Variants in DENND5B observed in about 807,000 individuals in gnomAD.
DENND5B encodes the protein DENN domain containing 5B, also known as DENN domain-containing protein 5B.
In DENND5B, 34 loss-of-function variants were observed where a neutral mutation model predicts 140.6. The ratio of observed to expected loss-of-function variants is 0.24; its 90% CI spans 0.18 to 0.32. The LOEUF (loss-of-function observed/expected upper bound fraction) is 0.32. Among genes scored for constraint, DENND5B ranks in the 10% least tolerant of loss-of-function variants. The probability of loss-of-function intolerance (pLI) is 1.00; values close to 1 mark genes in which losing one functional copy is unlikely to be tolerated. For synonymous variants in DENND5B, 551 were observed against 562.1 expected (o/e 0.98, Z 0.28); for missense variants, 1,142 against 1,560.2 (o/e 0.73, Z 4.52).
chr12:31,587,447 G>A (rs1592103750), intron 1 of DENND5B, among the ~76,000 whole-genome samples: 1 of 149,428 alleles, frequency 6.7e-6, no homozygotes, highest in African/African-American at 2.5e-5. Flanking sequence ...ATCTCGTTGG[G>A]CCTACCTTCA....
intron 7 of DENND5B, among the ~76,000 whole-genome samples, chr12:31,438,238 G>T (rs1339925924): frequency 1.3e-5 from 2 of 152,222 alleles, no homozygotes; most frequent in Non-Finnish European, 2.9e-5. Context: ...CTCCCAAACT[G>T]CTGGGATTAC....
At chr12:31,430,655 G>A (rs11051427) in intron 8 of DENND5B, among the ~76,000 whole-genome samples, 53,749 of 151,828 alleles carry the variant, frequency 0.35, 11,018 homozygotes, top group East Asian at 0.57. Context: ...GGGAGACTCC[G>A]TCTCAAAAAC....
At chr12:31,418,037 T>C (rs1238804030) in intron 11 of DENND5B, among the ~76,000 whole-genome samples, 1 of 152,162 alleles carries the variant, frequency 6.6e-6, no homozygotes, top group Non-Finnish European at 1.5e-5. Flanking sequence ...AAATGAGTAC[T>C]GATGGGGTTG....
Position 31,540,768 on chromosome 12 carries a change from A to G in DENND5B, c.128-44849T>C, listed in dbSNP as rs148008818. On this transcript the variant is annotated intron_variant, in intron 1 of 20. Transcript: ENST00000389082. ...CCAAAGCTATCCTGAGGAAAAAAAC[A>G]AAACGAGGAATTTTATTACCTGACT... 9.6e-3 allele frequency among the ~76,000 whole-genome samples: 1,461 copies of G among 152,242 alleles called. 27 individuals carry two copies. Among genetic ancestry groups the G allele is most frequent in the African/African-American group, 0.033 (1,383 of 41,550 alleles).
At position 31,413,416 on chromosome 12, in the gene DENND5B, T is replaced by C; in HGVS notation, c.2681+20A>G. On this transcript the variant is annotated intron_variant, in intron 13 of 20. Coordinates refer to ENST00000389082, the MANE Select transcript of DENND5B (RefSeq NM_144973.4). ...CACATGGATTATAGAAACAGAAATG[T>C]ATCAAAGATGGTATCTTACTTGGTG... 1 of 1,603,890 alleles carries C rather than the reference T, an allele frequency of 6.2e-7. No individual in the cohort carries two copies. Among genetic ancestry groups the C allele is most frequent in the Non-Finnish European group, 8.5e-7 (1 of 1,175,358 alleles).
At chr12:31,390,928 A>G (rs1941106987) in intron 19 of DENND5B, among the ~76,000 whole-genome samples, 1 of 151,934 alleles carries the variant, frequency 6.6e-6, no homozygotes, top group Admixed American at 6.6e-5. Flanking sequence ...GGGCAGGAGA[A>G]CCGCTTGAAC....
chr12:31,573,496 A>C (rs541664149), intron 1 of DENND5B, among the ~76,000 whole-genome samples: 9 of 152,372 alleles, frequency 5.9e-5, no homozygotes, highest in African/African-American at 2.2e-4. Context: ...ATAATGATTC[A>C]ACAAGGTATG....
chr12:31,559,191 C>A (rs548325916), intron 1 of DENND5B, among the ~76,000 whole-genome samples: 1 of 152,270 alleles, frequency 6.6e-6, no homozygotes, highest in South Asian at 2.1e-4. Context: ...TAAACCTTCA[C>A]ATTAGTGGAG....
At chr12:31,497,980 A>G (rs1318753884) in intron 1 of DENND5B, among the ~76,000 whole-genome samples, 3 of 149,600 alleles carry the variant, frequency 2.0e-5, no homozygotes, top group East Asian at 2.0e-4. Flanking sequence ...GGAAAGAAAG[A>G]GAGGAAAGAA....
At chr12:31,544,333 G>A (rs1281371899) in intron 1 of DENND5B, among the ~76,000 whole-genome samples, 1 of 152,064 alleles carries the variant, frequency 6.6e-6, no homozygotes, top group Non-Finnish European at 1.5e-5. Flanking sequence ...CCATGCTGCA[G>A]TGCAGTGGCA....
chr12:31,426,598 C>T lies in DENND5B; in HGVS notation c.2107-174G>A, dbSNP rs1427523617. On this transcript the variant is annotated intron_variant, in intron 8 of 20. Coordinates refer to ENST00000389082, the MANE Select transcript of DENND5B (RefSeq NM_144973.4). Reference sequence around the variant, plus strand: ...TAAAAGACAGAGGACACTCATATGCCACCCCATAACAACTGTTAACTCCTG... The same window carrying T: ...TAAAAGACAGAGGACACTCATATGCTACCCCATAACAACTGTTAACTCCTG... 2.1e-5 allele frequency: 13 copies of T among 625,984 alleles called. 1 individual carries two copies. The Admixed American group carries it at 3.8e-4, about 18-fold the overall frequency. 38.8% of individuals were successfully genotyped at this position (625,984 alleles called of 1,614,324 possible).
intron 1 of DENND5B, among the ~76,000 whole-genome samples, chr12:31,574,426 C>G (rs1224428698): frequency 6.6e-6 from 1 of 151,614 alleles, no homozygotes; most frequent in Non-Finnish European, 1.5e-5. Context: ...CCTGTCTCTA[C>G]TAAAAATACA....
At chr12:31,460,590 G>C (rs1413129225) in intron 3 of DENND5B, among the ~76,000 whole-genome samples, 1 of 150,322 alleles carries the variant, frequency 6.7e-6, no homozygotes, top group East Asian at 1.9e-4. Flanking sequence ...GGTGTGGGTA[G>C]GTGGGAAACA....
At chr12:31,431,677 A>G (rs1943517172) in intron 8 of DENND5B, among the ~76,000 whole-genome samples, 1 of 152,224 alleles carries the variant, frequency 6.6e-6, no homozygotes, top group Non-Finnish European at 1.5e-5. Context: ...GCTATTTGAA[A>G]TTCAATCACA....
chr12:31,505,741 G>T (rs1282611041), intron 1 of DENND5B, among the ~76,000 whole-genome samples: 2 of 152,072 alleles, frequency 1.3e-5, no homozygotes, highest in African/African-American at 4.8e-5. Flanking sequence ...TCTTGGAGGG[G>T]TCTCTGCAAA....
At chr12:31,570,845 GAA>G (rs892301362) in intron 1 of DENND5B, among the ~76,000 whole-genome samples, 3 of 151,934 alleles carry the variant, frequency 2.0e-5, no homozygotes, top group Non-Finnish European at 4.4e-5. Context: ...CTAAACATTT[GAA>G]ACTCACAGGT....
chr12:31,423,051 C>T (rs1943097067), intron 11 of DENND5B, among the ~76,000 whole-genome samples: 1 of 151,928 alleles, frequency 6.6e-6, no homozygotes, highest in African/African-American at 2.4e-5. Context: ...AGCGATTCTC[C>T]TGCCTCAGCC....
intron 1 of DENND5B, among the ~76,000 whole-genome samples, chr12:31,554,156 C>A (rs202096974): frequency 6.7e-6 from 1 of 150,036 alleles, no homozygotes; most frequent in Non-Finnish European, 1.5e-5. Flanking sequence ...TTCTTCCTAG[C>A]CTTGATGGTC....
At chr12:31,390,270 CA>C (rs1315562345) in intron 19 of DENND5B, among the ~76,000 whole-genome samples, 1 of 152,230 alleles carries the variant, frequency 6.6e-6, no homozygotes, top group African/African-American at 2.4e-5. Flanking sequence ...TTGGTAGCCA[CA>C]AGTGGCTCCT....
Sources: allele counts gnomAD v4.1 joint callset (sites outside exome capture counted in the v4.1 genomes callset), GRCh38; gene constraint gnomAD v4.1.1; transcripts MANE v1.5; gene names NCBI Gene and HGNC (gene_info 2026-07-23, HGNC 2026-07-21).